Variants in HECW1 observed in about 807,000 individuals in gnomAD.
HECW1 encodes the protein E3 ubiquitin-protein ligase HECW1.
Under a neutral mutation model 182.3 loss-of-function variants are expected in HECW1, and 61 were observed. The observed-to-expected ratio is 0.33, with a 90% CI of 0.27 to 0.41. The LOEUF (loss-of-function observed/expected upper bound fraction) is 0.41. Ranked by LOEUF, HECW1 falls within the 10% of genes least tolerant of loss-of-function variation. HECW1 has a pLI of 1.00. For missense variants in HECW1, 1,739 were observed against 2,108.9 expected (o/e 0.82, Z 3.44); for synonymous variants, 859 against 832.6 (o/e 1.03, Z -0.55).
At chr7:43,504,330 C>T (rs2079491067) in intron 21 of HECW1, among the ~76,000 whole-genome samples, 2 of 152,220 alleles carry the variant, frequency 1.3e-5, no homozygotes, top group Non-Finnish European at 2.9e-5. Flanking sequence ...CAAACCTCCT[C>T]TTCTCTTCCA....
At chr7:43,438,530 A>G (rs2076780426) in intron 9 of HECW1, 1 of 154,524 alleles carries the variant, frequency 6.5e-6, no homozygotes, top group African/African-American at 2.4e-5. Context: ...CATATGTGAC[A>G]TTTCCATAAC....
At chr7:43,362,109 C>A (rs1584628307) in intron 6 of HECW1, among the ~76,000 whole-genome samples, 3 of 87,396 alleles carry the variant, frequency 3.4e-5, no homozygotes, top group Admixed American at 1.8e-4. Flanking sequence ...CCAGCCTGGG[C>A]AACAAGAGTG....
chr7:43,550,689 G>T, intron 27 of HECW1, 98 bp downstream of exon 27: 1 of 1,273,898 alleles, frequency 7.8e-7, no homozygotes, highest in Non-Finnish European at 1.1e-6. Context: ...AGCTCAGGTG[G>T]TGAAAACAGA....
intron 8 of HECW1, among the ~76,000 whole-genome samples, chr7:43,423,764 T>C (rs925538013): frequency 6.6e-6 from 1 of 152,110 alleles, no homozygotes; most frequent in Non-Finnish European, 1.5e-5. Context: ...CGAGGGAGTA[T>C]TTACACCAAG....
rs2077002086 is a variant in HECW1, at chr7:43,445,009, C to T, written c.1837C>T (p.Leu613=). ...VDTVAADPSA[L]EEDREEPEGA... The stretch of plus-strand genomic sequence containing the variant: ...CACGGTGGCCGCTGACCCGTCTGCC[C>T]TGGAAGAGGACAGAGAAGAGCCCGA... Residue 613 remains leucine, a synonymous_variant, in exon 11 of 30, where the codon CTG becomes TTG. Transcript: ENST00000395891. 2 of 1,557,866 alleles carry T rather than the reference C, an allele frequency of 1.3e-6. No individual in the cohort carries two copies. Among genetic ancestry groups the T allele is most frequent in the Non-Finnish European group, 1.7e-6 (2 of 1,150,876 alleles).
chr7:43,438,757 A>T (rs1175668176), intron 9 of HECW1: 1 of 152,222 alleles, frequency 6.6e-6, no homozygotes, highest in Non-Finnish European at 1.5e-5. Flanking sequence ...GTGGACTATG[A>T]CCAGATAACA....
intron 3 of HECW1, among the ~76,000 whole-genome samples, chr7:43,276,863 C>G (rs78276046): frequency 0.025 from 3,736 of 152,316 alleles, 147 homozygotes; most frequent in African/African-American, 0.086. Flanking sequence ...ACCACCTGAA[C>G]CATACAGAAT....
At chr7:43,486,622 A>G (rs565382520) in intron 17 of HECW1, among the ~76,000 whole-genome samples, 1 of 152,230 alleles carries the variant, frequency 6.6e-6, no homozygotes, top group South Asian at 2.1e-4. Flanking sequence ...TTTTAAAGCA[A>G]TTACACCTGA....
intron 2 of HECW1, among the ~76,000 whole-genome samples, chr7:43,175,996 G>A (rs1792199931): frequency 1.3e-5 from 2 of 152,122 alleles, no homozygotes; most frequent in Admixed American, 1.3e-4. Flanking sequence ...TAACCTTTTG[G>A]ATAATTCTTC....
chr7:43,350,932 T>C (rs1814351039), intron 5 of HECW1, among the ~76,000 whole-genome samples: 1 of 152,248 alleles, frequency 6.6e-6, no homozygotes, highest in African/African-American at 2.4e-5. Flanking sequence ...TGGGAGGCAT[T>C]GACAAGACTT....
At chr7:43,427,174 T>C (rs2076388749) in intron 8 of HECW1, among the ~76,000 whole-genome samples, 1 of 152,218 alleles carries the variant, frequency 6.6e-6, no homozygotes, top group East Asian at 1.9e-4. Flanking sequence ...CCCTCAGTAC[T>C]TTGATGTATA....
chr7:43,397,837 G>A (rs1377962929), intron 7 of HECW1, among the ~76,000 whole-genome samples: 1 of 148,860 alleles, frequency 6.7e-6, no homozygotes, highest in Non-Finnish European at 1.5e-5. Context: ...GCATATGATG[G>A]CTTAGCTTGG....
intron 2 of HECW1, among the ~76,000 whole-genome samples, chr7:43,209,161 G>GTTA (rs1459255716): frequency 2.2e-5 from 3 of 138,156 alleles, no homozygotes; most frequent in African/African-American, 8.1e-5. Flanking sequence ...TGAAGCCAGC[G>GTTA]TTAACAGTGG....
intron 9 of HECW1, among the ~76,000 whole-genome samples, chr7:43,441,511 C>G (rs928934900): frequency 2.8e-4 from 42 of 152,134 alleles, no homozygotes; most frequent in African/African-American, 9.7e-4. Flanking sequence ...TGGCAATCTG[C>G]ACAGGAAAAG....
chr7:43,308,824 G>A (rs566492284), intron 3 of HECW1, among the ~76,000 whole-genome samples: 10 of 152,070 alleles, frequency 6.6e-5, no homozygotes, highest in Non-Finnish European at 1.2e-4. Context: ...GCTTCGCCAC[G>A]TTGGCCAGGC....
At chr7:43,260,236 G>T (rs996320634) in intron 3 of HECW1, among the ~76,000 whole-genome samples, 2 of 152,154 alleles carry the variant, frequency 1.3e-5, no homozygotes, top group Non-Finnish European at 2.9e-5. Context: ...GGTACAATCT[G>T]GTTAAGGGAT....
At chr7:43,284,998 A>T (rs1584325886) in intron 3 of HECW1, among the ~76,000 whole-genome samples, 1 of 145,398 alleles carries the variant, frequency 6.9e-6, no homozygotes, top group African/African-American at 2.5e-5. Flanking sequence ...TTCTGTATGG[A>T]TTTTTTTTTT....
chr7:43,207,789 C>T (rs1165744719), intron 2 of HECW1: 1 of 152,194 alleles, frequency 6.6e-6, no homozygotes, highest in African/African-American at 2.4e-5. Context: ...CACAGTTTGG[C>T]TTGTCATCTC....
intron 6 of HECW1, among the ~76,000 whole-genome samples, chr7:43,394,817 C>T (rs1029527756): frequency 4.6e-5 from 7 of 152,088 alleles, no homozygotes; most frequent in African/African-American, 7.2e-5. Flanking sequence ...CTGTGCTGTG[C>T]GGGAGACCGG....
Sources: gnomAD v4.1 joint callset for allele counts (sites outside exome capture counted in the v4.1 genomes callset) on GRCh38, gnomAD v4.1.1 for gene constraint, MANE v1.5 for transcripts, NCBI Gene and HGNC (gene_info 2026-07-23, HGNC 2026-07-21) for gene names.